Variants in RPS29 observed in about 807,000 individuals in gnomAD.
RPS29 encodes the protein ribosomal protein S29.
For missense variants in RPS29, 60 were observed against 75.7 expected (o/e 0.79, Z 0.77); for synonymous variants, 37 against 26.9 (o/e 1.37, Z -1.16).
downstream of RPS29, among the ~76,000 whole-genome samples, chr14:49,583,248 G>A (rs145589548): frequency 2.0e-5 from 3 of 152,190 alleles, no homozygotes; most frequent in Non-Finnish European, 2.9e-5. Flanking sequence ...GTAATAAAAT[G>A]TAAGTTTTTA....
chr14:49,586,558 T>C (rs549309389), upstream of RPS29: 55 of 577,766 alleles, frequency 9.5e-5, no homozygotes, highest in South Asian at 1.1e-3. Flanking sequence ...CTTCTAGTGC[T>C]ATTCTGCGCC....
chr14:49,584,970 T>C (rs1389652105), intron 2 of RPS29, among the ~76,000 whole-genome samples: 1 of 152,060 alleles, frequency 6.6e-6, no homozygotes, highest in Non-Finnish European at 1.5e-5. Flanking sequence ...TTGACTAAGA[T>C]GATCAAGAGA....
chr14:49,586,635 A>AT, upstream of RPS29: 1 of 448,648 alleles, frequency 2.2e-6, no homozygotes, highest in South Asian at 2.3e-5. Context: ...CTGAGGCTGG[A>AT]GGATCGCTTG....
chr14:49,577,171 G>A (rs897703767), exon 3 of RPS29: 4 of 152,682 alleles, frequency 2.6e-5, no homozygotes, highest in African/African-American at 9.7e-5. Flanking sequence ...AACCTGGGAG[G>A]TGGAAGTTGC....
At chr14:49,575,638 G>A (rs1566475064) in exon 3 of RPS29, 2 of 152,210 alleles carry the variant, frequency 1.3e-5, no homozygotes, top group Non-Finnish European at 2.9e-5. Context: ...CATGAGCCCA[G>A]GAGTTCCAGA....
intron 2 of RPS29, chr14:49,585,379 A>C (rs11621094): frequency 0.47 from 66,733 of 142,430 alleles, 16,017 homozygotes; most frequent in Non-Finnish European, 0.55. Flanking sequence ...AAAAAAAAAA[A>C]AAACTTGGGG....
chr14:49,583,534 C>T (rs1436225981), downstream of RPS29: 1 of 886,426 alleles, frequency 1.1e-6, no homozygotes, highest in South Asian at 1.9e-5. Flanking sequence ...TTTCTATAAA[C>T]AATTAGCTAT....
chr14:49,592,311 G>T (rs1257519802), intron 1 of RPS29: 1 of 147,480 alleles, frequency 6.8e-6, no homozygotes, highest in Non-Finnish European at 1.5e-5. Flanking sequence ...TTAATTAGTT[G>T]TAAACTCCAC....
downstream of RPS29, among the ~76,000 whole-genome samples, chr14:49,580,485 A>G (rs564691832): frequency 1.3e-5 from 2 of 152,290 alleles, no homozygotes; most frequent in South Asian, 4.1e-4. Context: ...TGGATTTACT[A>G]TGAAGCTTAT....
At chr14:49,581,352 C>G (rs1881328082), downstream of RPS29, among the ~76,000 whole-genome samples, 1 of 152,190 alleles carries the variant, frequency 6.6e-6, no homozygotes, top group Admixed American at 6.5e-5. Flanking sequence ...GTTGATCACT[C>G]ACGTCACTGC....
intron 1 of RPS29, 59 bp from the exon 2 acceptor site, chr14:49,586,108 G>C: frequency 6.7e-7 from 1 of 1,493,184 alleles, no homozygotes; most frequent in East Asian, 2.3e-5. Context: ...TCCGCACTCA[G>C]ACGGCTACTA....
At chr14:49,586,716 T>C (rs925110638), upstream of RPS29, 2 of 256,312 alleles carry the variant, frequency 7.8e-6, no homozygotes, top group Admixed American at 4.6e-5. Flanking sequence ...ATCAATATGG[T>C]GACCTCCCGG....
At chr14:49,583,754 T>A in intron 2 of RPS29, 79 bp from the exon 3 acceptor site, 1 of 855,610 alleles carries the variant, frequency 1.2e-6, no homozygotes, top group Non-Finnish European at 1.9e-6. Flanking sequence ...AGGCTCATTA[T>A]AGAATGTTAT....
intron 1 of RPS29, among the ~76,000 whole-genome samples, chr14:49,596,196 A>T (rs1456737851): frequency 1.3e-5 from 2 of 152,156 alleles, no homozygotes; most frequent in African/African-American, 4.8e-5. Context: ...TAATATGAAC[A>T]AAAAGAGAGA....
chr14:49,580,724 T>A (rs1881309844), downstream of RPS29, among the ~76,000 whole-genome samples: 1 of 151,674 alleles, frequency 6.6e-6, no homozygotes, highest in Non-Finnish European at 1.5e-5. Flanking sequence ...ATACAAAAAA[T>A]CAGCCAGGCG....
At chr14:49,579,511 G>A (rs1405210892), downstream of RPS29, among the ~76,000 whole-genome samples, 1 of 152,076 alleles carries the variant, frequency 6.6e-6, no homozygotes, top group Non-Finnish European at 1.5e-5. Flanking sequence ...AGACCAACCT[G>A]GGCAACACTG....
downstream of RPS29, among the ~76,000 whole-genome samples, chr14:49,581,424 C>T (rs1243140510): frequency 6.6e-6 from 1 of 152,146 alleles, no homozygotes; most frequent in Non-Finnish European, 1.5e-5. Context: ...CCAAATTGAA[C>T]TTTCTATTCT....
downstream of RPS29, among the ~76,000 whole-genome samples, chr14:49,582,639 A>G (rs984179822): frequency 4.6e-5 from 7 of 152,224 alleles, no homozygotes; most frequent in African/African-American, 1.7e-4. Context: ...ATTGTTATCC[A>G]CAAGTGGTAG....
chr14:49,582,303 T>A (rs1594570065), downstream of RPS29, among the ~76,000 whole-genome samples: 1 of 152,108 alleles, frequency 6.6e-6, no homozygotes, highest in Admixed American at 6.5e-5. Context: ...TCTCACAATA[T>A]CTAACTATAA....
Sources: gnomAD v4.1 joint callset for allele counts (sites outside exome capture counted in the v4.1 genomes callset) on GRCh38, gnomAD v4.1.1 for gene constraint, MANE v1.5 for transcripts, NCBI Gene and HGNC (gene_info 2026-07-23, HGNC 2026-07-21) for gene names.